The following PRLR variants were observed in gnomAD, a reference collection of about 807,000 sequenced individuals.
The protein encoded by PRLR is hPRL receptor.
A neutral mutation model predicts 40.2 loss-of-function variants in PRLR; 13 were observed. The observed-to-expected ratio is 0.32, with a 90% CI of 0.21 to 0.51. The LOEUF is 0.51. PRLR is among the 20% of genes least tolerant of loss of function. PRLR has a pLI of 0.97. For missense variants in PRLR, 656 were observed against 747.3 expected, an observed-to-expected ratio of 0.88 and a Z score of 1.42; for synonymous variants, 269 against 278.7, an observed-to-expected ratio of 0.97 and a Z score of 0.35.
chr5:35,085,940 G>C (rs1407684823), intron 4 of PRLR, among the ~76,000 whole-genome samples: 1 of 152,094 alleles, frequency 6.6e-6, no homozygotes, highest in Non-Finnish European at 1.5e-5. Context: ...AGGAGACCTA[G>C]GGTGGATGCT....
chr5:35,208,516 T>TC (rs1418223428), intron 1 of PRLR, among the ~76,000 whole-genome samples: 4 of 152,326 alleles, frequency 2.6e-5, no homozygotes, highest in African/African-American at 9.6e-5. Flanking sequence ...ACCTCTTGTG[T>TC]CTCGCTTAGT....
In PRLR at chr5:35,056,954, G is replaced by A. The variant is rs1768759700; in HGVS notation, c.*8135C>T. 1 of 152,278 alleles carries A rather than the reference G, an allele frequency of 6.6e-6. No homozygotes were observed. The highest frequency in any genetic ancestry group is 2.1e-4 in the South Asian group (1 of 4,822). The allele number at this position is 152,278 out of a possible 1,614,324, so 9.4% of individuals were successfully genotyped here. On this transcript the variant is annotated 3_prime_UTR_variant, in exon 10 of 10. Transcript: ENST00000618457. ...TTTCACAATTCTGGAACACGGACATGAACAGTAAGTGAAACTTTCTAGGTT... is the reference window on the plus strand; with the variant it reads ...TTTCACAATTCTGGAACACGGACATAAACAGTAAGTGAAACTTTCTAGGTT...
At chr5:35,051,525 C>T (rs764928366), downstream of PRLR, among the ~76,000 whole-genome samples, 1 of 152,180 alleles carries the variant, frequency 6.6e-6, no homozygotes, top group Non-Finnish European at 1.5e-5. Context: ...GAGTCTGGTT[C>T]ACTATGACTG....
At chr5:35,111,419 A>T (rs2111648624) in intron 2 of PRLR, among the ~76,000 whole-genome samples, 1 of 152,302 alleles carries the variant, frequency 6.6e-6, no homozygotes, top group African/African-American at 2.4e-5. Flanking sequence ...TTTTGAATAT[A>T]AATTGGTGTA....
At chr5:35,086,365 A>C (rs1228742505) in intron 3 of PRLR, 25 bp from the exon 4 acceptor site, 3 of 1,611,606 alleles carry the variant, frequency 1.9e-6, no homozygotes, top group Non-Finnish European at 2.5e-6. Context: ...AAGCCACTGC[A>C]TCAATATTGA....
intron 1 of PRLR, among the ~76,000 whole-genome samples, chr5:35,216,205 C>T (rs1776284184): frequency 6.6e-6 from 1 of 152,096 alleles, no homozygotes; most frequent in Non-Finnish European, 1.5e-5. Flanking sequence ...TTCCCACAGG[C>T]TCTCAAAATG....
At chr5:35,230,050 T>A (rs7733450) in intron 1 of PRLR, among the ~76,000 whole-genome samples, 11,254 of 151,902 alleles carry the variant, frequency 0.074, 521 homozygotes, top group East Asian at 0.14. Flanking sequence ...TTAGCCCCTC[T>A]GAGAAGGGAC....
chr5:35,114,822 C>T (rs1316909541), intron 2 of PRLR, among the ~76,000 whole-genome samples: 1 of 152,220 alleles, frequency 6.6e-6, no homozygotes, highest in Non-Finnish European at 1.5e-5. Flanking sequence ...TCCTCTCTTT[C>T]CATTTGTTAA....
chr5:35,065,320 A>T lies in PRLR; in HGVS notation c.1638T>A (p.Tyr546Ter), dbSNP rs757173281. The T allele has an allele frequency of 9.9e-6, 16 of 1,614,062 alleles. No homozygotes were observed. The highest frequency in any genetic ancestry group is 1.4e-5 in the Non-Finnish European group (16 of 1,180,038). ...KPGTPENNKE[Y>*]AKVSGVMDNN... The stretch of plus-strand genomic sequence containing the variant: ...TATCCATGACCCCGGACACCTTGGC[A>T]TACTCCTTATTGTTCTCAGGAGTCC... Residue 546 changes from tyrosine (Y) to a stop codon, truncating the protein, a stop_gained, in exon 10 of 10, where the codon TAT becomes TAA. Transcript: ENST00000618457. LOFTEE classifies it low-confidence loss of function (END_TRUNC).
chr5:35,084,677 A>G, intron 4 of PRLR, 38 bp from the exon 5 acceptor site: 2 of 1,574,484 alleles, frequency 1.3e-6, no homozygotes, highest in Non-Finnish European at 1.7e-6. Context: ...ATAAGAAAGT[A>G]ATAAAGAGAG....
rs1161113866 is a variant in PRLR at position 35,113,488 on chromosome 5, T to TCCATCCATCCATCCAC, written c.-44+4572_-44+4573insGTGGATGGATGGATGG. On this transcript the variant is annotated intron_variant, in intron 2 of 9. Transcript: ENST00000618457. ...ATCCATCCATCCATCCATCCATCCATCCACCCACCCACCTATCTATCCACC... is the reference window on the plus strand; with the variant it reads ...ATCCATCCATCCATCCATCCATCCATCCATCCATCCATCCACCCACCCACCCACCTATCTATCCACC... Among the ~76,000 whole-genome samples the TCCATCCATCCATCCAC allele has an allele frequency of 1.5e-3, 120 of 80,218 alleles. 7 individuals carry two copies. The highest frequency in any genetic ancestry group is 8.1e-3 in the African/African-American group (118 of 14,522). The allele number at this position is 80,218 out of a possible 152,430, so 52.6% of individuals were successfully genotyped here.
Position 35,118,075 on chromosome 5 carries a change from T to C in PRLR, c.-58A>G, listed in dbSNP as rs1444589005. The C allele has an allele frequency of 2.0e-5, 20 of 985,520 alleles. No homozygotes were observed. The highest frequency in any genetic ancestry group is 1.8e-5 in the Non-Finnish European group (15 of 829,744). The allele number at this position is 985,520 out of a possible 1,614,324, so 61.0% of individuals were successfully genotyped here. On this transcript the variant is annotated 5_prime_UTR_variant, in exon 2 of 10. Coordinates refer to ENST00000618457, the MANE Select transcript of PRLR (RefSeq NM_000949.7). ...GTCCCCCTTACCTTCAGGGTTCATG[T>C]GGAAAGCATCCTCAGTGTTCGCCTC...
At position 35,062,396 on chromosome 5, in the gene PRLR, T is replaced by G. The variant is rs887159488; in HGVS notation, c.*2693A>C. ...CTCTTCACCGCCCCCCTGCCCCACA[T>G]GTATCCTTCCATTTGAACAGCTGTC... On this transcript the variant is annotated 3_prime_UTR_variant, in exon 10 of 10. Transcript: ENST00000618457. 1.3e-5 allele frequency: 2 copies of G among 152,356 alleles called. No homozygotes were observed. Among genetic ancestry groups the G allele is most frequent in the South Asian group, 4.2e-4 (2 of 4,814 alleles). The allele number at this position is 152,356 out of a possible 1,614,324, so 9.4% of individuals were successfully genotyped here.
chr5:35,065,195 G>T lies in PRLR; in HGVS notation c.1763C>A (p.Ala588Asp), dbSNP rs773812750. The stretch of plus-strand genomic sequence containing the variant: ...AGTGAAGTTGGCCAGGGCTTTCTCA[G>T]CTTGATTCTGTTCAAGTGATGGTGG... Reference protein sequence around the residue: ...EAPPSLEQNQAEKALANFTAT... With the variant: ...EAPPSLEQNQDEKALANFTAT... The change falls in exon 10 of 10, where the codon GCT becomes GAT. Residue 588 changes from alanine (A) to aspartate (D), a missense_variant. Transcript: ENST00000618457. 1 of 1,614,170 alleles carries T rather than the reference G, an allele frequency of 6.2e-7. No homozygotes were observed. The highest frequency in any genetic ancestry group is 8.5e-7 in the Non-Finnish European group (1 of 1,180,024).
intron 1 of PRLR, among the ~76,000 whole-genome samples, chr5:35,142,436 G>A (rs1181644599): frequency 6.6e-6 from 1 of 152,100 alleles, no homozygotes; most frequent in East Asian, 1.9e-4. Context: ...ACATCTTATA[G>A]CCACAACAAG....
At chr5:35,080,811 A>G (rs925066926) in intron 5 of PRLR, among the ~76,000 whole-genome samples, 11 of 152,026 alleles carry the variant, frequency 7.2e-5, no homozygotes, top group Admixed American at 2.6e-4. Flanking sequence ...TCAATGATGG[A>G]CTGGATTAAG....
Position 35,084,593 on chromosome 5 carries a change from T to G in PRLR, c.250A>C (p.Asn84His). 1.2e-6 allele frequency: 2 copies of G among 1,611,282 alleles called. No individual in the cohort carries two copies. Among genetic ancestry groups the G allele is most frequent in the Non-Finnish European group, 1.7e-6 (2 of 1,178,930 alleles). Residue 84 changes from asparagine to histidine, a missense_variant, in exon 5 of 10, where the codon AAC becomes CAC. Around this residue, in one of 3 missense-constraint regions of PRLR, gnomAD observed 180 missense variants for 236.8 expected, o/e 0.76. Transcript: ENST00000618457. ...ECPDYITGGP[N>H]SCHFGKQYTS... ...TACTGCTTGCCAAAGTGGCAGGAGTTGGGGCCACCGGTTATGTAGTCTGGA... is the reference window on the plus strand; with the variant it reads ...TACTGCTTGCCAAAGTGGCAGGAGTGGGGGCCACCGGTTATGTAGTCTGGA...
At chr5:35,134,155 A>G (rs1051698405) in intron 1 of PRLR, among the ~76,000 whole-genome samples, 14 of 152,202 alleles carry the variant, frequency 9.2e-5, no homozygotes, top group Non-Finnish European at 1.8e-4. Flanking sequence ...ACCAAACACC[A>G]TCTGTTCCCC....
intron 3 of PRLR, among the ~76,000 whole-genome samples, chr5:35,088,241 C>T (rs1423353208): frequency 6.6e-6 from 1 of 152,186 alleles, no homozygotes; most frequent in South Asian, 2.1e-4. Context: ...CTTGCCAGCC[C>T]GGGTCAGCTC....
Sources: allele counts gnomAD v4.1 joint callset (sites outside exome capture counted in the v4.1 genomes callset), GRCh38; gene constraint gnomAD v4.1.1; regional missense constraint gnomAD v4.1.1; transcripts MANE v1.5; gene names NCBI Gene and HGNC (gene_info 2026-07-23, HGNC 2026-07-21).